Variants in KCNN2 observed in about 807,000 individuals in gnomAD.
KCNN2 encodes small conductance calcium-activated potassium channel protein 2.
In KCNN2, 24 loss-of-function variants were observed where a neutral mutation model predicts 55.5. The observed-to-expected ratio is 0.43, with a 90% CI of 0.31 to 0.61. KCNN2 has a LOEUF of 0.61. Ranked by LOEUF, KCNN2 falls within the 20% of genes least tolerant of loss-of-function variation. The pLI is 0.08. For missense variants in KCNN2, 754 were observed against 853.6 expected, an observed-to-expected ratio of 0.88 and a Z score of 1.45; for synonymous variants, 431 against 336.1, an observed-to-expected ratio of 1.28 and a Z score of -3.09.
chr5:114,146,439 C>A (rs550498588), intron 1 of KCNN2, among the ~76,000 whole-genome samples: 1 of 152,112 alleles, frequency 6.6e-6, no homozygotes, highest in Admixed American at 6.6e-5. Context: ...TAGGCTGGAC[C>A]GTTGTCTGTT....
chr5:114,089,789 A>C (rs1366383600), intron 1 of KCNN2, among the ~76,000 whole-genome samples: 2 of 152,228 alleles, frequency 1.3e-5, no homozygotes, highest in South Asian at 2.1e-4. Context: ...ATGGCACATA[A>C]TGTGGGTTAA....
At chr5:114,119,202 T>G (rs192610772) in intron 1 of KCNN2, among the ~76,000 whole-genome samples, 330 of 152,258 alleles carry the variant, frequency 2.2e-3, no homozygotes, top group Middle Eastern at 0.01. Flanking sequence ...CAGGAGCGAG[T>G]TCTGGAGCTC....
At chr5:114,121,128 T>G (rs1039422717) in intron 1 of KCNN2, among the ~76,000 whole-genome samples, 3 of 152,224 alleles carry the variant, frequency 2.0e-5, no homozygotes, top group African/African-American at 7.2e-5. Context: ...CTCCGTCTCC[T>G]TTTTTCCTTT....
Position 114,495,875 on chromosome 5 carries a change from T to C in KCNN2, c.2089-20T>C, listed in dbSNP as rs1748091899. ...TTCAGGGCAAGTATAATTAACCTTC[T>C]TCTCAATCCTGTTTTTCAGACCCAG... On this transcript the variant is annotated intron_variant, in intron 7 of 7. Transcript: ENST00000673685. The C allele has an allele frequency of 6.2e-7, 1 of 1,606,456 alleles. No homozygotes were observed. The highest frequency in any genetic ancestry group is 1.3e-5 in the African/African-American group (1 of 74,796).
chr5:114,143,249 A>G (rs1292190825), intron 1 of KCNN2, among the ~76,000 whole-genome samples: 5 of 152,202 alleles, frequency 3.3e-5, no homozygotes, highest in Non-Finnish European at 7.3e-5. Context: ...ATACAGAAGT[A>G]CAGTATACAG....
chr5:114,064,569 C>T (rs940380970), intron 1 of KCNN2, among the ~76,000 whole-genome samples: 4 of 152,228 alleles, frequency 2.6e-5, no homozygotes, highest in Admixed American at 6.5e-5. Flanking sequence ...TCTAACCCGG[C>T]GAGTGACCCC....
chr5:114,405,010 T>C (rs1758887693), intron 3 of KCNN2, among the ~76,000 whole-genome samples, 154 bp downstream of exon 3: 1 of 152,200 alleles, frequency 6.6e-6, no homozygotes. Context: ...GACAAAGCTT[T>C]TCTGAAGATT....
intron 1 of KCNN2, among the ~76,000 whole-genome samples, chr5:114,095,835 C>T (rs116287542): frequency 0.011 from 1,586 of 147,696 alleles, 36 homozygotes; most frequent in African/African-American, 0.038. Flanking sequence ...AATTGGACTC[C>T]ATATATGCAC....
intron 2 of KCNN2, among the ~76,000 whole-genome samples, chr5:114,267,109 C>T (rs1755224734): frequency 6.6e-6 from 1 of 151,702 alleles, no homozygotes; most frequent in Non-Finnish European, 1.5e-5. Context: ...GATTCTCCTG[C>T]CTCAGCCTCC....
intron 5 of KCNN2, chr5:114,486,597 A>G (rs1325239515): frequency 4.5e-6 from 2 of 442,940 alleles, no homozygotes; most frequent in Non-Finnish European, 8.0e-6. Flanking sequence ...TACATTCAGC[A>G]CTGGAAACAT....
chr5:114,366,417 G>C (rs1416704772), intron 2 of KCNN2, among the ~76,000 whole-genome samples: 4 of 152,070 alleles, frequency 2.6e-5, no homozygotes, highest in Admixed American at 6.5e-5. Context: ...AATTAATTTG[G>C]ATGTAGCTTT....
intron 6 of KCNN2, among the ~76,000 whole-genome samples, chr5:114,487,541 G>A (rs1379210687): frequency 6.6e-6 from 1 of 152,104 alleles, no homozygotes; most frequent in Non-Finnish European, 1.5e-5. Context: ...TATGAAAGTA[G>A]TGCATATAAC....
chr5:114,192,998 T>G (rs1345550644), intron 1 of KCNN2, among the ~76,000 whole-genome samples: 2 of 152,156 alleles, frequency 1.3e-5, no homozygotes, highest in Admixed American at 1.3e-4. Flanking sequence ...TTGCCATATT[T>G]AGCAAATATA....
chr5:114,083,402 C>T (rs1028858116), intron 1 of KCNN2, among the ~76,000 whole-genome samples: 1 of 151,950 alleles, frequency 6.6e-6, no homozygotes, highest in African/African-American at 2.4e-5. Context: ...AATTTCCCCT[C>T]TAAATATGCG....
chr5:114,172,837 C>T (rs1753065772), intron 1 of KCNN2, among the ~76,000 whole-genome samples: 1 of 151,226 alleles, frequency 6.6e-6, no homozygotes, highest in Non-Finnish European at 1.5e-5. Context: ...TTATTAATAC[C>T]TTGTCAGATG....
intron 2 of KCNN2, among the ~76,000 whole-genome samples, chr5:114,383,277 C>G (rs904229704): frequency 6.6e-6 from 1 of 152,066 alleles, no homozygotes; most frequent in Non-Finnish European, 1.5e-5. Context: ...TTTCTTATTG[C>G]TCTCTCATTC....
intron 1 of KCNN2, among the ~76,000 whole-genome samples, chr5:114,131,946 A>G (rs1752080358): frequency 6.6e-6 from 1 of 152,070 alleles, no homozygotes. Flanking sequence ...GTATTTGTTC[A>G]TGTCCTTTGC....
At chr5:114,426,876 G>C (rs1033341999) in intron 3 of KCNN2, among the ~76,000 whole-genome samples, 1 of 152,154 alleles carries the variant, frequency 6.6e-6, no homozygotes, top group African/African-American at 2.4e-5. Context: ...TCAGCTTTTA[G>C]TTAGATTCTC....
chr5:114,261,065 CAT>C (rs1349668549), intron 2 of KCNN2, among the ~76,000 whole-genome samples: 3 of 152,174 alleles, frequency 2.0e-5, no homozygotes, highest in Non-Finnish European at 2.9e-5. Flanking sequence ...TCCATATAAA[CAT>C]GTGATAAATA....
Sources: allele counts gnomAD v4.1 joint callset (sites outside exome capture counted in the v4.1 genomes callset), GRCh38; gene constraint gnomAD v4.1.1; transcripts MANE v1.5; gene names NCBI Gene and HGNC (gene_info 2026-07-23, HGNC 2026-07-21).